Variants in RENBP observed in about 807,000 individuals in gnomAD.
RENBP encodes N-acylglucosamine 2-epimerase.
RENBP carries 16 observed loss-of-function variants against 37.8 expected under a neutral mutation model. That is an observed-to-expected ratio of 0.42 (90% confidence interval 0.29 to 0.64). The LOEUF is 0.64. Among genes scored for constraint, RENBP ranks in the 30% least tolerant of loss-of-function variants. The pLI is 0.19. For missense variants in RENBP, 347 were observed against 379.5 expected (o/e 0.91, Z 0.71); for synonymous variants, 170 against 154.8 (o/e 1.10, Z -0.73).
chrX:153,938,821 C>G (rs1407616597), intron 9 of RENBP, among the ~76,000 whole-genome samples: 1 of 79,824 alleles, frequency 1.3e-5, no homozygotes, highest in Non-Finnish European at 2.2e-5. Context: ...GAGACCAAGT[C>G]TTGCTCTTGT....
chrX:153,935,619 G>A, intron 9 of RENBP, 43 bp from the exon 10 acceptor site: 1 of 1,053,659 alleles, frequency 9.5e-7, no homozygotes, highest in Non-Finnish European at 1.3e-6. Flanking sequence ...TGCAGGACCC[G>A]CCCAGATGCC....
chrX:153,942,380 G>A, intron 6 of RENBP: 1 of 196,633 alleles, frequency 5.1e-6, no homozygotes, highest in Non-Finnish European at 9.2e-6. Context: ...GGGATTACAG[G>A]CATGCACCAC....
intron 6 of RENBP, 199 bp from the exon 7 acceptor site, chrX:153,942,230 GTTTTTTTTTTTTT>G: frequency 9.7e-6 from 1 of 102,706 alleles, no homozygotes; most frequent in South Asian, 1.8e-4. Context: ...GCAAGTTGTT[GTTTTTTTTTTTTT>G]TTTTTTTTTT....
chrX:153,941,688 G>A (rs782230174), intron 7 of RENBP, 35 bp from the exon 8 acceptor site: 27 of 219,858 alleles, frequency 1.2e-4, no homozygotes, highest in East Asian at 1.5e-4. Context: ...GGCGGGGGGC[G>A]GGGGGTGGGG....
At chrX:153,942,664 A>C in intron 6 of RENBP, 191 bp downstream of exon 6, 1 of 444,554 alleles carries the variant, frequency 2.2e-6, no homozygotes. Context: ...TGGGTGGGGC[A>C]GGAGGGGTCT....
At chrX:153,938,280 G>A (rs936482419) in intron 9 of RENBP, among the ~76,000 whole-genome samples, 3 of 112,052 alleles carry the variant, frequency 2.7e-5, no homozygotes, top group Non-Finnish European at 3.8e-5. Flanking sequence ...GATTTCTATC[G>A]GTGACAAAGC....
intron 9 of RENBP, among the ~76,000 whole-genome samples, chrX:153,936,507 A>G (rs2065203358): frequency 2.0e-5 from 2 of 100,158 alleles, no homozygotes; most frequent in Non-Finnish European, 4.0e-5. Context: ...CTCCGTCTCA[A>G]AAAAAAAAAA....
rs377725039 is a variant in RENBP, at chrX:153,944,465, G to GC, written c.28-48dup. 8.4e-3 allele frequency: 9,832 copies of GC among 1,166,808 alleles called. 220 individuals are homozygous for GC. In the African/African-American group the frequency reaches 0.094, roughly 11 times the overall value. On this transcript the variant is annotated intron_variant, in intron 1 of 10. Coordinates refer to ENST00000393700, the MANE Select transcript of RENBP (RefSeq NM_002910.6). ...GGCGCAGCCCCCACATGGGACCTAG[G>GC]CCCCCCCAGCCTCGGGAACCAGCCC...
At chrX:153,941,926 C>CGGG in intron 7 of RENBP, 24 bp downstream of exon 7, 8 of 680,573 alleles carry the variant, frequency 1.2e-5, no homozygotes, top group African/African-American at 2.1e-5. Flanking sequence ...TCCTGGGTGG[C>CGGG]CCCCAGCCCA....
intron 9 of RENBP, among the ~76,000 whole-genome samples, chrX:153,935,830 T>C (rs2065197592): frequency 8.9e-6 from 1 of 112,953 alleles, no homozygotes; most frequent in Non-Finnish European, 1.9e-5. Context: ...CCCTGGGGTG[T>C]AGAAACGTTG....
intron 9 of RENBP, among the ~76,000 whole-genome samples, chrX:153,937,600 C>T (rs1228014032): frequency 9.1e-6 from 1 of 109,964 alleles, no homozygotes; most frequent in African/African-American, 3.3e-5. Flanking sequence ...CGCCACCAAG[C>T]CCGGCTAATT....
chrX:153,938,876 C>A (rs1235520479), intron 9 of RENBP, among the ~76,000 whole-genome samples: 2 of 102,058 alleles, frequency 2.0e-5, no homozygotes, highest in African/African-American at 7.3e-5. Context: ...TCACTGCAAC[C>A]TCTGCCTCCT....
intron 9 of RENBP, among the ~76,000 whole-genome samples, chrX:153,936,515 A>C (rs1278409280): frequency 1.8e-5 from 2 of 109,497 alleles, no homozygotes; most frequent in East Asian, 5.7e-4. Context: ...CAAAAAAAAA[A>C]AAAAAAAAAG....
intron 7 of RENBP, 25 bp downstream of exon 7, chrX:153,941,925 G>GCCGC: frequency 5.2e-5 from 37 of 708,436 alleles, no homozygotes; most frequent in Non-Finnish European, 8.0e-5. Context: ...CTCCTGGGTG[G>GCCGC]CCCCCAGCCC....
intron 9 of RENBP, among the ~76,000 whole-genome samples, chrX:153,939,404 A>T (rs2065217120): frequency 8.9e-6 from 1 of 112,065 alleles, no homozygotes; most frequent in South Asian, 3.7e-4. Flanking sequence ...CATTCTTGTG[A>T]TACTGAAAAC....
intron 8 of RENBP, among the ~76,000 whole-genome samples, chrX:153,940,621 C>T (rs1296440184): frequency 9.0e-6 from 1 of 111,050 alleles, no homozygotes; most frequent in African/African-American, 3.3e-5. Context: ...GAGGTCGGCA[C>T]AAAATACAGG....
At chrX:153,943,204 C>A in intron 5 of RENBP, 125 bp from the exon 6 acceptor site, 1 of 542,197 alleles carries the variant, frequency 1.8e-6, no homozygotes. Context: ...TCATCCAGGG[C>A]CTACTTGGGG....
rs782716689 is a variant in RENBP, at chrX:153,942,230, G to GTTTT, written c.688-203_688-200dup. 851 of 94,569 alleles carry GTTTT rather than the reference G, an allele frequency of 9.0e-3. 3 individuals carry two copies. Among genetic ancestry groups the GTTTT allele is most frequent in the Non-Finnish European group, 0.01 (601 of 58,191 alleles). The allele number at this position is 94,569 out of a possible 1,213,427, so 7.8% of individuals were successfully genotyped here. A position where few individuals can be genotyped will look rare whatever the true frequency, so the allele number is the denominator to read the frequency against. Reference sequence around the variant, plus strand: ...ACTCCCTTGGGCCTAGCAAGTTGTTGTTTTTTTTTTTTTTTTTTTTTTTTA... The same window carrying GTTTT: ...ACTCCCTTGGGCCTAGCAAGTTGTTGTTTTTTTTTTTTTTTTTTTTTTTTTTTTA... On this transcript the variant is annotated intron_variant, in intron 6 of 10. Transcript: ENST00000393700.
At chrX:153,941,852 A>T in intron 7 of RENBP, 98 bp downstream of exon 7, 1 of 861,304 alleles carries the variant, frequency 1.2e-6, no homozygotes, top group Non-Finnish European at 1.7e-6. Flanking sequence ...CTGCCTCCTC[A>T]AGGCGCCCCC....
Sources: gnomAD v4.1 joint callset for allele counts (sites outside exome capture counted in the v4.1 genomes callset) on GRCh38, gnomAD v4.1.1 for gene constraint, MANE v1.5 for transcripts, NCBI Gene and HGNC (gene_info 2026-07-23, HGNC 2026-07-21) for gene names.